PTPRM: variants seen among roughly 807,000 people sequenced by gnomAD.
PTPRM encodes receptor-type tyrosine-protein phosphatase mu.
A neutral mutation model predicts 186.7 loss-of-function variants in PTPRM; 47 were observed. That is an observed-to-expected ratio of 0.25 (90% CI 0.20 to 0.32). The LOEUF (loss-of-function observed/expected upper bound fraction) is 0.32. PTPRM is among the 10% of genes least tolerant of loss of function. The probability of loss-of-function intolerance (pLI) is 1.00; values close to 1 mark genes in which losing one functional copy is unlikely to be tolerated. For synonymous variants in PTPRM, 668 were observed against 674.9 expected (o/e 0.99, Z 0.16); for missense variants, 1,494 against 1,865.0 (o/e 0.80, Z 3.66).
At position 7,774,258 on chromosome 18, in the gene PTPRM, A is replaced by G. The variant is rs750929640; in HGVS notation, c.183A>G (p.Pro61=). 4.3e-6 allele frequency: 7 copies of G among 1,614,008 alleles called. No homozygotes were observed. Among genetic ancestry groups the G allele is most frequent in the Non-Finnish European group, 5.9e-6 (7 of 1,179,938 alleles). ...CCTTGACTAAACCGACTTCTGATCC[A>G]TGGATGCCATCAGGTTTGCTTTTAG... ...VNTLTKPTSD[P]WMPSGSFMLV... The change falls in exon 2 of 33, where the codon CCA becomes CCG. Residue 61 remains proline, a synonymous_variant. Transcript: ENST00000580170.
At chr18:8,009,888 C>T (rs936201564) in intron 7 of PTPRM, among the ~76,000 whole-genome samples, 1 of 152,002 alleles carries the variant, frequency 6.6e-6, no homozygotes, top group Admixed American at 6.6e-5. Context: ...TAAACTATTT[C>T]CCTCTTTTTT....
intron 1 of PTPRM, among the ~76,000 whole-genome samples, chr18:7,718,486 C>G (rs1940345): frequency 1.3e-5 from 2 of 151,848 alleles, no homozygotes; most frequent in Non-Finnish European, 2.9e-5. Context: ...AAAAACTCTT[C>G]TAGACGTTGG....
chr18:7,687,488 A>G (rs1201046926), intron 1 of PTPRM, among the ~76,000 whole-genome samples: 1 of 152,230 alleles, frequency 6.6e-6, no homozygotes, highest in African/African-American at 2.4e-5. Context: ...ATTTGATATC[A>G]GCAGCCTGTT....
chr18:7,642,364 T>C (rs2038463187), intron 1 of PTPRM, among the ~76,000 whole-genome samples: 1 of 152,212 alleles, frequency 6.6e-6, no homozygotes. Flanking sequence ...AGACTTCACA[T>C]CTAATTCTTC....
chr18:7,842,947 T>TATATATATATATATAGAGAG (rs370746043), intron 2 of PTPRM, among the ~76,000 whole-genome samples: 80 of 112,112 alleles, frequency 7.1e-4, no homozygotes, highest in African/African-American at 3.4e-3. Flanking sequence ...TATATATATA[T>TATATATATATATATAGAGAG]AGAGAGAGAG....
intron 7 of PTPRM, among the ~76,000 whole-genome samples, chr18:8,065,613 G>C (rs562103799): frequency 1.2e-3 from 177 of 152,296 alleles, no homozygotes; most frequent in African/African-American, 4.0e-3. Flanking sequence ...GGAGGCATCA[G>C]TGTGGCCAGA....
At position 8,143,634 on chromosome 18, in the gene PTPRM, C is replaced by A. The variant is rs1403832603; in HGVS notation, c.2168-13C>A. ...CCTACAGTCTCTCCTTTTTCATTTC[C>A]TTTCATCTTCAGGAGCTGCCACTCC... On this transcript the variant is annotated splice_polypyrimidine_tract_variant and intron_variant, in intron 13 of 32. Coordinates refer to ENST00000580170, the MANE Select transcript of PTPRM (RefSeq NM_001105244.2). 1.3e-6 allele frequency: 2 copies of A among 1,578,432 alleles called. No homozygotes were observed. The highest frequency in any genetic ancestry group is 2.7e-5 in the African/African-American group (2 of 73,732).
intron 2 of PTPRM, among the ~76,000 whole-genome samples, chr18:7,808,336 G>A (rs1478737317): frequency 6.6e-6 from 1 of 152,138 alleles, no homozygotes; most frequent in Non-Finnish European, 1.5e-5. Context: ...TGGTCTAGGA[G>A]GCCCCCCTCC....
chr18:7,671,130 T>C (rs954091732), intron 1 of PTPRM, among the ~76,000 whole-genome samples: 1 of 152,226 alleles, frequency 6.6e-6, no homozygotes, highest in Non-Finnish European at 1.5e-5. Flanking sequence ...TTTAGTTTAT[T>C]GCTTTCTTTA....
rs566983204 is a variant in PTPRM at position 7,707,374 on chromosome 18, T to C, written c.74-66775T>C. Among the ~76,000 whole-genome samples, 8 of 152,216 alleles carry C rather than the reference T, an allele frequency of 5.3e-5. No homozygotes were observed. In the East Asian group the frequency reaches 1.5e-3, roughly 29 times the overall value. On this transcript the variant is annotated intron_variant, in intron 1 of 32. Transcript: ENST00000580170. ...TCAGAAGCATGATGGCTCATACTTA[T>C]AATAACAGCACTTTGGGAGGCTGAG...
chr18:8,208,042 C>T (rs1330000762), intron 14 of PTPRM, among the ~76,000 whole-genome samples: 1 of 152,082 alleles, frequency 6.6e-6, no homozygotes, highest in Non-Finnish European at 1.5e-5. Flanking sequence ...CAGGGACTAC[C>T]GAGGTCAGAG....
intron 2 of PTPRM, among the ~76,000 whole-genome samples, chr18:7,832,904 C>A (rs927338352): frequency 1.3e-5 from 2 of 152,044 alleles, no homozygotes; most frequent in African/African-American, 2.4e-5. Flanking sequence ...GTTCTTGGCA[C>A]CTTTGTCAAA....
intron 29 of PTPRM, 56 bp from the exon 30 acceptor site, chr18:8,384,505 G>T: frequency 6.3e-7 from 1 of 1,597,426 alleles, no homozygotes; most frequent in Non-Finnish European, 8.6e-7. Context: ...TATCCAAACT[G>T]TTAGGAGTAA....
At chr18:7,611,061 T>C (rs1364255753) in intron 1 of PTPRM, among the ~76,000 whole-genome samples, 3 of 151,872 alleles carry the variant, frequency 2.0e-5, no homozygotes, top group African/African-American at 7.3e-5. Context: ...TATTAGTTTT[T>C]AACAAACAAA....
Position 8,398,749 on chromosome 18 carries a change from A to G in PTPRM, c.4344+4138A>G, listed in dbSNP as rs143442318. On this transcript the variant is annotated intron_variant, in intron 32 of 32. Transcript: ENST00000580170. ...CGCACCACTGCACTCTAGCCTAGGT[A>G]ACAGAGTGAGACTCCTTCTCAAAAA... Among the ~76,000 whole-genome samples, 391 of 151,138 alleles carry G rather than the reference A, an allele frequency of 2.6e-3. 1 individual carries two copies. The highest frequency in any genetic ancestry group is 9.2e-3 in the African/African-American group (377 of 40,826).
intron 14 of PTPRM, among the ~76,000 whole-genome samples, chr18:8,166,092 C>T (rs1345217898): frequency 6.6e-6 from 1 of 152,152 alleles, no homozygotes; most frequent in Non-Finnish European, 1.5e-5. Flanking sequence ...CTAAAGCAGA[C>T]TAAGCACATG....
intron 14 of PTPRM, among the ~76,000 whole-genome samples, chr18:8,242,971 T>C (rs1451658754): frequency 6.6e-6 from 1 of 152,246 alleles, no homozygotes; most frequent in Non-Finnish European, 1.5e-5. Context: ...TAGAATATTT[T>C]AGGGCATAGT....
At chr18:7,892,924 G>A (rs1287320506) in intron 3 of PTPRM, among the ~76,000 whole-genome samples, 6 of 152,086 alleles carry the variant, frequency 3.9e-5, no homozygotes, top group African/African-American at 7.2e-5. Context: ...TCACCCCATC[G>A]CCTCCCCAAG....
intron 14 of PTPRM, among the ~76,000 whole-genome samples, chr18:8,238,649 G>GTGTGTGTGTTTTTTTTTT (rs1568577854): frequency 6.8e-5 from 5 of 73,650 alleles, no homozygotes; most frequent in African/African-American, 1.7e-4. Context: ...ACTGTTTTGT[G>GTGTGTGTGTTTTTTTTTT]TGTTTTTTTT....
Sources: gnomAD v4.1 joint callset for allele counts (sites outside exome capture counted in the v4.1 genomes callset) on GRCh38, gnomAD v4.1.1 for gene constraint, MANE v1.5 for transcripts, NCBI Gene and HGNC (gene_info 2026-07-23, HGNC 2026-07-21) for gene names.